AGAP1: variants seen among roughly 807,000 people sequenced by gnomAD.
The protein encoded by AGAP1 is ArfGAP with GTPase domain, ankyrin repeat and PH domain 1, also known as arf-GAP with GTPase, ANK repeat and PH domain-containing protein 1.
A neutral mutation model predicts 105.3 loss-of-function variants in AGAP1; 29 were observed. That is an observed-to-expected ratio of 0.28 (90% confidence interval 0.21 to 0.38). AGAP1 has a LOEUF of 0.38. Among genes scored for constraint, AGAP1 ranks in the 10% least tolerant of loss-of-function variants. The pLI, the probability that AGAP1 is intolerant of heterozygous loss-of-function variation, is 1.00. For missense variants in AGAP1, 998 were observed against 1,165.1 expected (o/e 0.86, Z 2.09); for synonymous variants, 509 against 485.9 (o/e 1.05, Z -0.63).
intron 11 of AGAP1, among the ~76,000 whole-genome samples, chr2:235,915,472 C>G (rs1575769537): frequency 1.7e-5 from 1 of 59,124 alleles, no homozygotes; most frequent in East Asian, 5.2e-3. Context: ...CCCAAGAGTT[C>G]AAGACCGATT....
intron 8 of AGAP1, among the ~76,000 whole-genome samples, chr2:235,800,119 T>TTTTTTTTTTC (rs1559502689): frequency 6.7e-6 from 1 of 149,686 alleles, no homozygotes; most frequent in Admixed American, 6.7e-5. Context: ...TTTTTTTTTT[T>TTTTTTTTTTC]CTTTTGAGAC....
chr2:235,508,929 G>A (rs904312017), intron 1 of AGAP1, among the ~76,000 whole-genome samples: 14 of 152,240 alleles, frequency 9.2e-5, no homozygotes, highest in Admixed American at 7.9e-4. Context: ...GCAGAATCCA[G>A]TGCACGGGCG....
At chr2:235,847,809 C>T (rs779581681) in intron 9 of AGAP1, among the ~76,000 whole-genome samples, 1 of 152,150 alleles carries the variant, frequency 6.6e-6, no homozygotes. Context: ...CTCCGTTTTC[C>T]GTTTCTTGAC....
chr2:236,009,738 G>A lies in AGAP1; in HGVS notation c.1646-26823G>A, dbSNP rs1270253441. On this transcript the variant is annotated intron_variant, in intron 13 of 17. Coordinates refer to ENST00000304032, the MANE Select transcript of AGAP1 (RefSeq NM_001037131.3). This position sits in a 1 kb window ranked among gnomAD's most constrained non-coding sequence, Gnocchi z 4.2. ...TAATTGATTCTGAGGGCTGCAGCGT[G>A]CCTCATTTAGCCGTCCCTGCTCGGT... is the stretch of plus-strand genomic sequence containing the variant. Among the ~76,000 whole-genome samples the A allele has an allele frequency of 6.6e-6, 1 of 152,198 alleles. No homozygotes were observed. Among genetic ancestry groups the A allele is most frequent in the Non-Finnish European group, 1.5e-5 (1 of 68,032 alleles).
At chr2:235,592,104 T>C (rs1945362874) in intron 1 of AGAP1, among the ~76,000 whole-genome samples, 1 of 152,228 alleles carries the variant, frequency 6.6e-6, no homozygotes, top group South Asian at 2.1e-4. Flanking sequence ...GTGGCGCTGG[T>C]TCCCAGGGGC....
At position 235,517,107 on chromosome 2, in the gene AGAP1, G is replaced by A. The variant is rs763092110; in HGVS notation, c.163+22258G>A. On this transcript the variant is annotated intron_variant, in intron 1 of 17. Coordinates refer to ENST00000304032, the MANE Select transcript of AGAP1 (RefSeq NM_001037131.3). The surrounding 1 kb of genome is among the most constrained non-coding windows in gnomAD (Gnocchi z 4.1). ...ACAGTTCTGGAGGTTGAGAGTCCAT[G>A]ATCAAGGCACTGGCAGGTTTGGCTT... is the stretch of plus-strand genomic sequence containing the variant. Among the ~76,000 whole-genome samples, 1 of 152,208 alleles carries A rather than the reference G, an allele frequency of 6.6e-6. No homozygotes were observed. Among genetic ancestry groups the A allele is most frequent in the Non-Finnish European group, 1.5e-5 (1 of 68,028 alleles).
chr2:236,056,889 A>G lies in AGAP1; in HGVS notation c.2114+7608A>G, dbSNP rs554374090. Among the ~76,000 whole-genome samples, 47 of 152,214 alleles carry G rather than the reference A, an allele frequency of 3.1e-4. No homozygotes were observed. The highest frequency in any genetic ancestry group is 1.1e-3 in the African/African-American group (46 of 41,526). On this transcript the variant is annotated intron_variant, in intron 16 of 17. Coordinates refer to ENST00000304032, the MANE Select transcript of AGAP1 (RefSeq NM_001037131.3). The surrounding 1 kb of genome is among the most constrained non-coding windows in gnomAD (Gnocchi z 4.6). Reference sequence around the variant, plus strand: ...TGCTGCTCCTGTTCCTTTTCTGCCAAATCCACGTCAGTAGCGGCATTGGGA... The same window carrying G: ...TGCTGCTCCTGTTCCTTTTCTGCCAGATCCACGTCAGTAGCGGCATTGGGA...
intron 1 of AGAP1, among the ~76,000 whole-genome samples, chr2:235,523,142 A>G (rs1161969212): frequency 2.0e-5 from 3 of 152,080 alleles, no homozygotes; most frequent in African/African-American, 7.2e-5. Context: ...AGAGAGAGAG[A>G]GAAAGGCTGG....
rs977451192 is a variant in AGAP1 at position 236,050,302 on chromosome 2, G to T, written c.2114+1021G>T. 6.6e-6 allele frequency among the ~76,000 whole-genome samples: 1 copy of T among 152,206 alleles called. No homozygotes were observed. Among genetic ancestry groups the T allele is most frequent in the African/African-American group, 2.4e-5 (1 of 41,458 alleles). On this transcript the variant is annotated intron_variant, in intron 16 of 17. Coordinates refer to ENST00000304032, the MANE Select transcript of AGAP1 (RefSeq NM_001037131.3). This position sits in a 1 kb window ranked among gnomAD's most constrained non-coding sequence, Gnocchi z 4.0. ...AAATGAATTTGTGGTGCCACCTTTG[G>T]CTCACTGGAGAGAATGAAGCTGGTG...
At chr2:236,118,608 C>T (rs368157941) in intron 16 of AGAP1, among the ~76,000 whole-genome samples, 60 of 152,078 alleles carry the variant, frequency 3.9e-4, no homozygotes, top group Admixed American at 1.3e-3. Context: ...AAGCTGGTCT[C>T]GAACTCCTGA....
At chr2:235,646,538 G>A (rs1947393285) in intron 1 of AGAP1, among the ~76,000 whole-genome samples, 1 of 152,140 alleles carries the variant, frequency 6.6e-6, no homozygotes, top group Non-Finnish European at 1.5e-5. Flanking sequence ...AGGAACGGGG[G>A]GCATTTTGGT....
intron 6 of AGAP1, among the ~76,000 whole-genome samples, chr2:235,780,224 T>C (rs1185280162): frequency 6.6e-6 from 1 of 152,154 alleles, no homozygotes; most frequent in Non-Finnish European, 1.5e-5. Flanking sequence ...TTTTACAGCT[T>C]TAAAAAATAA....
chr2:236,068,683 C>T lies in AGAP1; in HGVS notation c.2114+19402C>T, dbSNP rs575296575. 4.7e-3 allele frequency among the ~76,000 whole-genome samples: 691 copies of T among 147,482 alleles called. 8 individuals carry two copies. The highest frequency in any genetic ancestry group is 0.017 in the African/African-American group (661 of 39,698). On this transcript the variant is annotated intron_variant, in intron 16 of 17. Transcript: ENST00000304032. ...GGCGTGGTGGCGGGCGCCTGTAGTC[C>T]CAGCTACTCAGGAGGCTGAGGCAGG...
chr2:235,594,070 C>G (rs1437321467), intron 1 of AGAP1, among the ~76,000 whole-genome samples: 1 of 152,102 alleles, frequency 6.6e-6, no homozygotes, highest in Non-Finnish European at 1.5e-5. Flanking sequence ...TAGTAATAAT[C>G]ATAGGTGCAC....
At chr2:235,527,435 A>G (rs1278598167) in intron 1 of AGAP1, among the ~76,000 whole-genome samples, 1 of 152,216 alleles carries the variant, frequency 6.6e-6, no homozygotes. Flanking sequence ...CAGTGGCACG[A>G]TCATGGCTCT....
At chr2:235,518,652 G>A (rs963819626) in intron 1 of AGAP1, among the ~76,000 whole-genome samples, 2 of 152,204 alleles carry the variant, frequency 1.3e-5, no homozygotes, top group Non-Finnish European at 2.9e-5. Flanking sequence ...AAAGGAGAGT[G>A]ACATGGTGTT....
chr2:235,671,744 C>T (rs1948444004), intron 1 of AGAP1, among the ~76,000 whole-genome samples: 1 of 152,222 alleles, frequency 6.6e-6, no homozygotes, highest in East Asian at 1.9e-4. Context: ...AGGAAAACCG[C>T]AGCCCTGCAG....
In AGAP1 at chr2:235,720,888, C is replaced by G. The variant is rs1336757489; in HGVS notation, c.310+3244C>G. 2.6e-5 allele frequency among the ~76,000 whole-genome samples: 4 copies of G among 152,162 alleles called. No individual in the cohort carries two copies. Among genetic ancestry groups the G allele is most frequent in the Non-Finnish European group, 1.5e-5 (1 of 68,032 alleles). On this transcript the variant is annotated intron_variant, in intron 3 of 17. Coordinates refer to ENST00000304032, the MANE Select transcript of AGAP1 (RefSeq NM_001037131.3). This position sits in a 1 kb window ranked among gnomAD's most constrained non-coding sequence, Gnocchi z 5.0. ...TGCTTTTCCTCAGATACATCAGATG[C>G]ATTTTAGCTCCATCCCAGAGGGTAA...
At chr2:235,697,847 A>T (rs1301006384) in intron 1 of AGAP1, among the ~76,000 whole-genome samples, 1 of 152,216 alleles carries the variant, frequency 6.6e-6, no homozygotes, top group African/African-American at 2.4e-5. Flanking sequence ...AATTGTAAAT[A>T]TCTTGTCTCC....
Sources: gnomAD v4.1 joint callset for allele counts (sites outside exome capture counted in the v4.1 genomes callset) on GRCh38, gnomAD v4.1.1 for gene constraint, Gnocchi (gnomAD v3.1) non-coding constraint, MANE v1.5 for transcripts, NCBI Gene and HGNC (gene_info 2026-07-23, HGNC 2026-07-21) for gene names.